ATXN10: variants seen among roughly 807,000 people sequenced by gnomAD.
ATXN10 encodes ataxin 10.
In ATXN10, 28 loss-of-function variants were observed where a neutral mutation model predicts 52.9. The ratio of observed to expected loss-of-function variants is 0.53; its 90% CI spans 0.39 to 0.73. The LOEUF is 0.73. ATXN10 is among the 30% of genes least tolerant of loss of function. ATXN10 has a pLI of 0.00. For missense variants in ATXN10, 565 were observed against 577.0 expected, an observed-to-expected ratio of 0.98 and a Z score of 0.21; for synonymous variants, 226 against 221.5, an observed-to-expected ratio of 1.02 and a Z score of -0.18.
chr22:45,748,486 T>G (rs1214809144), intron 9 of ATXN10, among the ~76,000 whole-genome samples: 1 of 152,206 alleles, frequency 6.6e-6, no homozygotes, highest in African/African-American at 2.4e-5. Flanking sequence ...TAATTTTGAT[T>G]CTTGTCATAA....
intron 9 of ATXN10, among the ~76,000 whole-genome samples, chr22:45,752,182 A>G (rs893211822): frequency 2.6e-5 from 4 of 152,246 alleles, no homozygotes; most frequent in South Asian, 2.1e-4. Context: ...GTTCAATTCA[A>G]CAAGTATGTG....
chr22:45,830,810 A>G (rs912743055), intron 10 of ATXN10, among the ~76,000 whole-genome samples: 1 of 152,184 alleles, frequency 6.6e-6, no homozygotes, highest in Non-Finnish European at 1.5e-5. Context: ...CAAGTCCCCA[A>G]AAAGTTAAAG....
At chr22:45,723,127 ATG>A (rs1181876453) in intron 6 of ATXN10, among the ~76,000 whole-genome samples, 4 of 151,670 alleles carry the variant, frequency 2.6e-5, no homozygotes, top group South Asian at 2.1e-4. Context: ...TGAAAGTCAT[ATG>A]TGTGTGTGTG....
At chr22:45,672,947 C>T (rs7354791) in intron 1 of ATXN10, 5,646 of 152,222 alleles carry the variant, frequency 0.037, 123 homozygotes, top group Non-Finnish European at 0.04. Context: ...AAATAAAGTA[C>T]GTGAAAATAT....
At chr22:45,801,923 T>A (rs1486355358) in intron 9 of ATXN10, among the ~76,000 whole-genome samples, 1 of 152,198 alleles carries the variant, frequency 6.6e-6, no homozygotes, top group Non-Finnish European at 1.5e-5. Flanking sequence ...GGTATGGCCC[T>A]CTTGTTTCAT....
chr22:45,741,032 G>A (rs1412030920), intron 9 of ATXN10, among the ~76,000 whole-genome samples: 2 of 152,120 alleles, frequency 1.3e-5, no homozygotes, highest in Admixed American at 1.3e-4. Context: ...GAGCTTAAAG[G>A]TAGTTATATT....
At chr22:45,740,325 AG>A in intron 8 of ATXN10, 43 bp from the exon 9 acceptor site, 1 of 1,603,496 alleles carries the variant, frequency 6.2e-7, no homozygotes, top group Middle Eastern at 1.7e-4. Flanking sequence ...ACATACTAAA[AG>A]TTACTTTTCT....
At chr22:45,729,813 G>C in intron 7 of ATXN10, 1 of 587,922 alleles carries the variant, frequency 1.7e-6, no homozygotes, top group Non-Finnish European at 3.1e-6. Context: ...TAATTTTCTA[G>C]ACAGATGACA....
At chr22:45,736,528 C>G (rs1465654486) in intron 7 of ATXN10, among the ~76,000 whole-genome samples, 1 of 151,924 alleles carries the variant, frequency 6.6e-6, no homozygotes, top group Non-Finnish European at 1.5e-5. Flanking sequence ...ATTGACATAA[C>G]TTTACTCCAG....
chr22:45,784,934 G>A lies in ATXN10; in HGVS notation c.1174-22025G>A, dbSNP rs1249569276. 6.6e-6 allele frequency among the ~76,000 whole-genome samples: 1 copy of A among 152,224 alleles called. No homozygotes were observed. The highest frequency in any genetic ancestry group is 1.5e-5 in the Non-Finnish European group (1 of 68,030). ...TTAAAGACTGAATGTGTTCATGACA[G>A]AATTCTGTTTGTTCAGGCACTGAAG... On this transcript the variant is annotated intron_variant, in intron 9 of 11. Coordinates refer to ENST00000252934, the MANE Select transcript of ATXN10 (RefSeq NM_013236.4). The surrounding 1 kb of genome is among the most constrained non-coding windows in gnomAD (Gnocchi z 4.2).
At chr22:45,753,249 C>T (rs1238036068) in intron 9 of ATXN10, among the ~76,000 whole-genome samples, 1 of 149,276 alleles carries the variant, frequency 6.7e-6, no homozygotes, top group Non-Finnish European at 1.5e-5. Context: ...AACTTGATCT[C>T]ATCTTCTTAG....
At position 45,807,006 on chromosome 22, in the gene ATXN10, C is replaced by T; in HGVS notation, c.1221C>T (p.Ile407=). ...CGTTGATCCTGGACAACTGCAACAT[C>T]AGTGACAGTAACCCCTGTATCCTTG... ...GIPLILDNCN[I]SDSNPFLTQW... The change falls in exon 10 of 12, where the codon ATC becomes ATT. Residue 407 remains isoleucine (I), a synonymous_variant. Transcript: ENST00000252934. 6.2e-7 allele frequency: 1 copy of T among 1,613,890 alleles called. No homozygotes were observed. The highest frequency in any genetic ancestry group is 8.5e-7 in the Non-Finnish European group (1 of 1,179,788).
intron 10 of ATXN10, among the ~76,000 whole-genome samples, chr22:45,817,410 C>A (rs528865494): frequency 6.6e-6 from 1 of 150,828 alleles, no homozygotes; most frequent in Non-Finnish European, 1.5e-5. Flanking sequence ...CTGCAACCTG[C>A]GCCTCCTGAG....
chr22:45,709,198 G>A (rs554439606), intron 5 of ATXN10, among the ~76,000 whole-genome samples: 1 of 152,298 alleles, frequency 6.6e-6, no homozygotes, highest in South Asian at 2.1e-4. Flanking sequence ...CAACAGCCAT[G>A]CATTCCACTT....
rs978334007 is a variant in ATXN10, at chr22:45,769,934, G to A, written c.1173+29396G>A. Among the ~76,000 whole-genome samples the A allele has an allele frequency of 6.6e-6, 1 of 152,224 alleles. No homozygotes were observed. The highest frequency in any genetic ancestry group is 1.5e-5 in the Non-Finnish European group (1 of 68,044). On this transcript the variant is annotated intron_variant, in intron 9 of 11. Transcript: ENST00000252934. This position sits in a 1 kb window ranked among gnomAD's most constrained non-coding sequence, Gnocchi z 4.2. Reference sequence around the variant, plus strand: ...GAATAAAAATTAAATGTTACCACAAGTATTTTGTCACTCTATAAATACAGT... The same window carrying A: ...GAATAAAAATTAAATGTTACCACAAATATTTTGTCACTCTATAAATACAGT...
At position 45,738,713 on chromosome 22, in the gene ATXN10, G is replaced by A. The variant is rs1439164281; in HGVS notation, c.895-18G>A. 6.3e-7 allele frequency: 1 copy of A among 1,595,130 alleles called. No individual in the cohort carries two copies. The highest frequency in any genetic ancestry group is 1.3e-5 in the African/African-American group (1 of 74,660). On this transcript the variant is annotated intron_variant, in intron 7 of 11. Coordinates refer to ENST00000252934, the MANE Select transcript of ATXN10 (RefSeq NM_013236.4). ...CTCTTAAAATATGCTAAAAAGTTAT[G>A]TTTTCTTTTCTTTCTAGGAGGCACT...
rs1405222814 is a variant in ATXN10 at position 45,766,843 on chromosome 22, A to G, written c.1173+26305A>G. 6.6e-6 allele frequency among the ~76,000 whole-genome samples: 1 copy of G among 152,234 alleles called. No homozygotes were observed. The highest frequency in any genetic ancestry group is 1.5e-5 in the Non-Finnish European group (1 of 68,038). ...AAAAAACCAATAGCCCTACAGAAAA[A>G]TGGATAAAAGATATGAATAGACAGT... On this transcript the variant is annotated intron_variant, in intron 9 of 11. Coordinates refer to ENST00000252934, the MANE Select transcript of ATXN10 (RefSeq NM_013236.4). The surrounding 1 kb of genome is among the most constrained non-coding windows in gnomAD (Gnocchi z 4.6).
chr22:45,736,447 G>A (rs1925299232), intron 7 of ATXN10, among the ~76,000 whole-genome samples: 2 of 152,024 alleles, frequency 1.3e-5, no homozygotes, highest in Admixed American at 1.3e-4. Flanking sequence ...TCTTTTTCAA[G>A]TTTATTTTGT....
Position 45,808,461 on chromosome 22 carries a change from C to T in ATXN10, c.1237+1439C>T, listed in dbSNP as rs149551087. ...CTGTTGTACACGAGCACATTGTAGG[C>T]CTACAGATGCTCGCAGCACCTTCCA... On this transcript the variant is annotated intron_variant, in intron 10 of 11. Coordinates refer to ENST00000252934, the MANE Select transcript of ATXN10 (RefSeq NM_013236.4). Among the ~76,000 whole-genome samples the T allele has an allele frequency of 2.0e-3, 308 of 152,284 alleles. 1 individual carries two copies. Among genetic ancestry groups the T allele is most frequent in the Non-Finnish European group, 3.4e-3 (230 of 68,030 alleles).
Sources: allele counts gnomAD v4.1 joint callset (sites outside exome capture counted in the v4.1 genomes callset), GRCh38; gene constraint gnomAD v4.1.1; non-coding constraint Gnocchi (gnomAD v3.1); transcripts MANE v1.5; gene names NCBI Gene and HGNC (gene_info 2026-07-23, HGNC 2026-07-21).